The following CD28 variants were observed in gnomAD, a reference collection of about 807,000 sequenced individuals.
The protein encoded by CD28 is CD28 molecule.
CD28 carries 8 observed loss-of-function variants against 21.4 expected under a neutral mutation model. The ratio of observed to expected loss-of-function variants is 0.37; its 90% confidence interval spans 0.22 to 0.68. The LOEUF is 0.68. Among genes scored for constraint, CD28 ranks in the 30% least tolerant of loss-of-function variants. The pLI is 0.55. For synonymous variants in CD28, 106 were observed against 104.0 expected, an observed-to-expected ratio of 1.02 and a Z score of -0.12; for missense variants, 239 against 272.2, an observed-to-expected ratio of 0.88 and a Z score of 0.86.
chr2:203,724,493 C>A (rs1212615863), intron 1 of CD28, among the ~76,000 whole-genome samples: 1 of 152,152 alleles, frequency 6.6e-6, no homozygotes, highest in African/African-American at 2.4e-5. Flanking sequence ...AGTGGGAGGA[C>A]TTGGGCACAG....
At chr2:203,720,156 T>C (rs1693568622) in intron 1 of CD28, among the ~76,000 whole-genome samples, 1 of 152,198 alleles carries the variant, frequency 6.6e-6, no homozygotes, top group Non-Finnish European at 1.5e-5. Context: ...GATAAGTACC[T>C]TCTCACCTCC....
intron 1 of CD28, among the ~76,000 whole-genome samples, chr2:203,707,619 A>C (rs1693195280): frequency 6.6e-6 from 1 of 152,224 alleles, no homozygotes; most frequent in Non-Finnish European, 1.5e-5. Flanking sequence ...AGGATAATAC[A>C]TCTAGCACTT....
At chr2:203,720,931 A>C (rs1010345476) in intron 1 of CD28, among the ~76,000 whole-genome samples, 1 of 152,202 alleles carries the variant, frequency 6.6e-6, no homozygotes, top group African/African-American at 2.4e-5. Flanking sequence ...CTGTCTTGCA[A>C]AGCATATAGA....
chr2:203,733,456 GT>G (rs1388998547), intron 3 of CD28, among the ~76,000 whole-genome samples: 1 of 152,130 alleles, frequency 6.6e-6, no homozygotes, highest in Non-Finnish European at 1.5e-5. Flanking sequence ...GAAATCTTGA[GT>G]TTTATTTTAG....
chr2:203,732,430 TA>T (rs1011043456), intron 3 of CD28, among the ~76,000 whole-genome samples: 6 of 152,234 alleles, frequency 3.9e-5, no homozygotes, highest in African/African-American at 1.4e-4. Flanking sequence ...GAAATCTTTT[TA>T]AAAAACATTA....
At chr2:203,706,929 C>A (rs1213372794) in intron 1 of CD28, among the ~76,000 whole-genome samples, 181 bp downstream of exon 1, 1 of 152,056 alleles carries the variant, frequency 6.6e-6, no homozygotes, top group Non-Finnish European at 1.5e-5. Flanking sequence ...AGTATCTTAA[C>A]AAAAGTCCCT....
Position 203,738,100 on chromosome 2 carries a change from C to T in CD28, c.*3188C>T, listed in dbSNP as rs1162020982. 6.6e-6 allele frequency: 1 copy of T among 152,162 alleles called. No individual in the cohort carries two copies. The highest frequency in any genetic ancestry group is 1.5e-5 in the Non-Finnish European group (1 of 68,040). 9.4% of individuals were successfully genotyped at this position (152,162 alleles called of 1,614,324 possible). ...AATTTCTTATCAGACCAATGGCTGA[C>T]CTCTTTGAGATGTCAGGCTAGGCTT... On this transcript the variant is annotated 3_prime_UTR_variant, in exon 4 of 4. Coordinates refer to ENST00000324106, the MANE Select transcript of CD28 (RefSeq NM_006139.4).
chr2:203,706,543 C>T, upstream of CD28: 1 of 1,560,970 alleles, frequency 6.4e-7, no homozygotes, highest in Non-Finnish European at 8.7e-7. Flanking sequence ...GGTTTGAGTG[C>T]CTTGATCATG....
chr2:203,710,115 A>G (rs1693270054), intron 1 of CD28, among the ~76,000 whole-genome samples: 1 of 152,226 alleles, frequency 6.6e-6, no homozygotes, highest in Admixed American at 6.5e-5. Flanking sequence ...GGGCTTGGGA[A>G]AGTAAGGTGA....
chr2:203,734,463 G>C (rs1239102616), intron 3 of CD28, among the ~76,000 whole-genome samples: 1 of 152,234 alleles, frequency 6.6e-6, no homozygotes, highest in East Asian at 1.9e-4. Context: ...CTAGTCAAAG[G>C]AGGAAGGGCC....
At chr2:203,713,174 G>A (rs1693362093) in intron 1 of CD28, among the ~76,000 whole-genome samples, 1 of 152,202 alleles carries the variant, frequency 6.6e-6, no homozygotes, top group South Asian at 2.1e-4. Flanking sequence ...AAGCAGCGGA[G>A]AATCCAGCTA....
intron 1 of CD28, among the ~76,000 whole-genome samples, chr2:203,717,877 T>A (rs1424055868): frequency 1.3e-5 from 2 of 152,286 alleles, no homozygotes; most frequent in Non-Finnish European, 2.9e-5. Context: ...TCATTTCTTG[T>A]GAAAATGGGA....
intron 1 of CD28, among the ~76,000 whole-genome samples, chr2:203,725,900 C>G (rs900049348): frequency 3.3e-5 from 5 of 152,146 alleles, no homozygotes; most frequent in Admixed American, 2.6e-4. Context: ...AAACCTGTAT[C>G]ACAACTTAAA....
intron 1 of CD28, among the ~76,000 whole-genome samples, chr2:203,725,854 G>A (rs1420625863): frequency 6.6e-6 from 1 of 152,076 alleles, no homozygotes; most frequent in Non-Finnish European, 1.5e-5. Context: ...AATAAACAAA[G>A]TAAAAATGTT....
At chr2:203,706,832 G>A (rs946284481) in intron 1 of CD28, 84 bp downstream of exon 1, 12 of 1,084,882 alleles carry the variant, frequency 1.1e-5, no homozygotes, top group African/African-American at 7.8e-5. Context: ...TTCTAACAAT[G>A]TGTGAAATTT....
At chr2:203,734,636 T>C (rs910969243) in intron 3 of CD28, 148 bp from the exon 4 acceptor site, 44 of 872,814 alleles carry the variant, frequency 5.0e-5, no homozygotes, top group Non-Finnish European at 7.1e-5. Flanking sequence ...GTGTGATTAG[T>C]CATTACCCAA....
chr2:203,717,531 C>T (rs1193733383), intron 1 of CD28, among the ~76,000 whole-genome samples: 2 of 152,194 alleles, frequency 1.3e-5, no homozygotes, highest in East Asian at 1.9e-4. Flanking sequence ...GCCAACAGTC[C>T]TTTCATAAAT....
intron 1 of CD28, among the ~76,000 whole-genome samples, chr2:203,721,571 C>A (rs531785701): frequency 6.6e-6 from 1 of 152,084 alleles, no homozygotes; most frequent in South Asian, 2.1e-4. Context: ...TCACCCCAGT[C>A]CCCAACACAA....
intron 1 of CD28, among the ~76,000 whole-genome samples, chr2:203,723,007 TGGA>T (rs1693644112): frequency 6.6e-6 from 1 of 152,178 alleles, no homozygotes; most frequent in Admixed American, 6.5e-5. Context: ...AAAATATGAA[TGGA>T]TGCCTGGGTC....
Sources: gnomAD v4.1 joint callset for allele counts (sites outside exome capture counted in the v4.1 genomes callset) on GRCh38, gnomAD v4.1.1 for gene constraint, MANE v1.5 for transcripts, NCBI Gene and HGNC (gene_info 2026-07-23, HGNC 2026-07-21) for gene names.